SGMS2: variants seen among roughly 807,000 people sequenced by gnomAD.
SGMS2 encodes the protein phosphatidylcholine:ceramide cholinephosphotransferase 2.
Under a neutral mutation model 43.8 loss-of-function variants are expected in SGMS2, and 21 were observed. That is an observed-to-expected ratio of 0.48 (90% CI 0.34 to 0.69). SGMS2 has a LOEUF of 0.69. SGMS2 is among the 30% of genes least tolerant of loss of function. SGMS2 has a pLI of 0.01. For synonymous variants in SGMS2, 167 were observed against 160.6 expected (o/e 1.04, Z -0.30); for missense variants, 384 against 443.2 (o/e 0.87, Z 1.20).
chr4:107,852,745 C>CTT (rs1727221312), intron 1 of SGMS2, among the ~76,000 whole-genome samples: 2 of 112,724 alleles, frequency 1.8e-5, no homozygotes, highest in African/African-American at 6.1e-5. Flanking sequence ...ACTTGTTTCT[C>CTT]ATTTTTTTTT....
rs146941529 is a variant in SGMS2, at chr4:107,849,165, C to T, written c.-326-9307C>T. 5.8e-3 allele frequency among the ~76,000 whole-genome samples: 881 copies of T among 152,110 alleles called. 10 individuals are homozygous for T. Among genetic ancestry groups the T allele is most frequent in the African/African-American group, 0.02 (844 of 41,486 alleles). On this transcript the variant is annotated intron_variant, in intron 1 of 6. Coordinates refer to ENST00000690982, the MANE Select transcript of SGMS2 (RefSeq NM_001375905.1). ...ATTTCTGCTTGAGTTCCTCGTGTTC[C>T]CTCTGTAAACCTTTCATGAAGTTTC...
At chr4:107,871,258 C>T (rs1208502487) in intron 2 of SGMS2, among the ~76,000 whole-genome samples, 1 of 152,112 alleles carries the variant, frequency 6.6e-6, no homozygotes, top group Non-Finnish European at 1.5e-5. Context: ...CAGTTTTTAT[C>T]TATATACCCT....
intron 2 of SGMS2, chr4:107,886,540 T>C (rs1729767131): frequency 6.6e-6 from 1 of 151,964 alleles, no homozygotes; most frequent in Admixed American, 6.6e-5. Context: ...TAAGACTTTT[T>C]TAAAACCAGC....
At chr4:107,889,458 T>G (rs1460611313) in intron 2 of SGMS2, among the ~76,000 whole-genome samples, 1 of 152,232 alleles carries the variant, frequency 6.6e-6, no homozygotes, top group Non-Finnish European at 1.5e-5. Flanking sequence ...AGATTTCACT[T>G]AAGTTCCGTA....
chr4:107,853,036 G>T lies in SGMS2; in HGVS notation c.-326-5436G>T, dbSNP rs114957691. On this transcript the variant is annotated intron_variant, in intron 1 of 6. Coordinates refer to ENST00000690982, the MANE Select transcript of SGMS2 (RefSeq NM_001375905.1). ...TTATTGTGAAGGTTTGAAGGCATTTGTTTAAAATTATTTAATTTTTACTGT... is the reference window on the plus strand; with the variant it reads ...TTATTGTGAAGGTTTGAAGGCATTTTTTTAAAATTATTTAATTTTTACTGT... Among the ~76,000 whole-genome samples the T allele has an allele frequency of 1.0e-2, 1,520 of 152,148 alleles. 32 individuals are homozygous for T. The highest frequency in any genetic ancestry group is 0.035 in the African/African-American group (1,451 of 41,502).
chr4:107,840,694 C>T (rs1560631571), intron 1 of SGMS2, among the ~76,000 whole-genome samples: 1 of 152,132 alleles, frequency 6.6e-6, no homozygotes, highest in Non-Finnish European at 1.5e-5. Flanking sequence ...TGTAAAAACT[C>T]TGAAAATCAT....
chr4:107,833,450 T>C (rs1726002346), intron 1 of SGMS2, among the ~76,000 whole-genome samples: 1 of 152,130 alleles, frequency 6.6e-6, no homozygotes, highest in Non-Finnish European at 1.5e-5. Context: ...AAATCCAAAA[T>C]GCTCCAAAAT....
chr4:107,895,571 A>G lies in SGMS2; in HGVS notation c.18A>G (p.Thr6=), dbSNP rs761667531. Residue 6 remains threonine, a synonymous_variant, in exon 3 of 7, where the codon ACA becomes ACG. Transcript: ENST00000690982. MDIIE[T]AKLEEHLENQ... is the part of the protein sequence containing the mutation. ...AGGGGACAATGGATATCATAGAGAC[A>G]GCAAAACTTGAAGAACATTTGGAAA... 1 of 1,613,628 alleles carries G rather than the reference A, an allele frequency of 6.2e-7. No individual in the cohort carries two copies. Among genetic ancestry groups the G allele is most frequent in the South Asian group, 1.1e-5 (1 of 91,038 alleles).
At position 107,903,259 on chromosome 4, in the gene SGMS2, T is replaced by C. The variant is rs200934549; in HGVS notation, c.600T>C (p.Val200=). The change falls in exon 5 of 7, where the codon GTT becomes GTC. Residue 200 remains valine, a synonymous_variant. Coordinates refer to ENST00000690982, the MANE Select transcript of SGMS2 (RefSeq NM_001375905.1). ...PKLNGDSQAK[V]QRILRLISGG... ...TCAATGGAGACTCTCAGGCAAAAGT[T>C]CAACGGATTCTACGATTGATTTCTG... is the stretch of plus-strand genomic sequence containing the variant. The C allele has an allele frequency of 6.8e-6, 11 of 1,613,988 alleles. No individual in the cohort carries two copies. The highest frequency in any genetic ancestry group is 3.3e-5 in the Admixed American group (2 of 60,006).
At chr4:107,904,800 G>A (rs1015438855) in intron 5 of SGMS2, among the ~76,000 whole-genome samples, 2 of 152,094 alleles carry the variant, frequency 1.3e-5, no homozygotes, top group Non-Finnish European at 2.9e-5. Context: ...CTGGGGGGTT[G>A]GATGGAAGGA....
intron 2 of SGMS2, among the ~76,000 whole-genome samples, chr4:107,889,288 T>G (rs1730011975): frequency 6.6e-6 from 1 of 152,176 alleles, no homozygotes; most frequent in Non-Finnish European, 1.5e-5. Flanking sequence ...GGTTCATAGT[T>G]TTATAACCCC....
At chr4:107,844,350 C>T (rs551357924) in intron 1 of SGMS2, among the ~76,000 whole-genome samples, 1 of 151,216 alleles carries the variant, frequency 6.6e-6, no homozygotes, top group Non-Finnish European at 1.5e-5. Context: ...TTTTTAAAAT[C>T]ATCTTGCATT....
At chr4:107,876,454 A>T (rs1321182109) in intron 2 of SGMS2, among the ~76,000 whole-genome samples, 1 of 152,204 alleles carries the variant, frequency 6.6e-6, no homozygotes, top group African/African-American at 2.4e-5. Flanking sequence ...ACTTTGCTTA[A>T]ATCTCAAAAC....
rs1166875852 is a variant in SGMS2 at position 107,912,231 on chromosome 4, C to T, written c.*1678C>T. 2 of 152,102 alleles carry T rather than the reference C, an allele frequency of 1.3e-5. No homozygotes were observed. Among genetic ancestry groups the T allele is most frequent in the African/African-American group, 4.8e-5 (2 of 41,424 alleles). 9.4% of individuals were successfully genotyped at this position (152,102 alleles called of 1,614,324 possible). Reference sequence around the variant, plus strand: ...CTTTTTCTGTATGTTATAGAATAATCACTAAAGGAAAGGTAGTTGAATTTA... The same window carrying T: ...CTTTTTCTGTATGTTATAGAATAATTACTAAAGGAAAGGTAGTTGAATTTA... On this transcript the variant is annotated 3_prime_UTR_variant, in exon 7 of 7. Coordinates refer to ENST00000690982, the MANE Select transcript of SGMS2 (RefSeq NM_001375905.1).
intron 1 of SGMS2, among the ~76,000 whole-genome samples, chr4:107,841,205 T>C (rs1578510208): frequency 6.6e-6 from 1 of 152,276 alleles, no homozygotes; most frequent in East Asian, 1.9e-4. Context: ...AAACCAAAAC[T>C]CTATGAAGTT....
intron 5 of SGMS2, chr4:107,908,311 A>G: frequency 2.7e-6 from 1 of 373,164 alleles, no homozygotes; most frequent in Non-Finnish European, 4.8e-6. Context: ...TCACGTGGGT[A>G]AGGCCTAGAA....
chr4:107,832,185 G>C (rs1170762745), intron 1 of SGMS2, among the ~76,000 whole-genome samples: 1 of 152,092 alleles, frequency 6.6e-6, no homozygotes, highest in East Asian at 1.9e-4. Context: ...GCAACAAAGG[G>C]TATTGTTTTG....
At position 107,855,300 on chromosome 4, in the gene SGMS2, T is replaced by C. The variant is rs115917694; in HGVS notation, c.-326-3172T>C. On this transcript the variant is annotated intron_variant, in intron 1 of 6. Transcript: ENST00000690982. ...ACACCATTAGGTTATTTATTTGGAG[T>C]CTTTCTATGTTTTCGATGTAGGCAT... Among the ~76,000 whole-genome samples the C allele has an allele frequency of 5.6e-3, 845 of 152,248 alleles. 5 individuals are homozygous for C. The highest frequency in any genetic ancestry group is 0.02 in the African/African-American group (815 of 41,552).
At chr4:107,901,408 A>G (rs1731100158) in intron 4 of SGMS2, among the ~76,000 whole-genome samples, 1 of 152,158 alleles carries the variant, frequency 6.6e-6, no homozygotes, top group Non-Finnish European at 1.5e-5. Flanking sequence ...CTATTACAAA[A>G]TCTTGTCTCC....
Sources: allele counts gnomAD v4.1 joint callset (sites outside exome capture counted in the v4.1 genomes callset), GRCh38; gene constraint gnomAD v4.1.1; transcripts MANE v1.5; gene names NCBI Gene and HGNC (gene_info 2026-07-23, HGNC 2026-07-21).